FMN1: variants seen among roughly 807,000 people sequenced by gnomAD.
FMN1 encodes the protein formin 1.
A neutral mutation model predicts 132.4 loss-of-function variants in FMN1; 110 were observed. The observed-to-expected ratio is 0.83, with a 90% CI of 0.71 to 0.97. The LOEUF (loss-of-function observed/expected upper bound fraction) is 0.97. Ranked by LOEUF, FMN1 falls within the 50% of genes least tolerant of loss-of-function variation. The pLI is 0.00. For missense variants in FMN1, 1,792 were observed against 1,705.3 expected, an observed-to-expected ratio of 1.05 and a Z score of -0.90; for synonymous variants, 722 against 651.7, an observed-to-expected ratio of 1.11 and a Z score of -1.64.
At chr15:33,125,386 G>C (rs975096854) in intron 4 of FMN1, among the ~76,000 whole-genome samples, 1 of 152,158 alleles carries the variant, frequency 6.6e-6, no homozygotes, top group African/African-American at 2.4e-5. Flanking sequence ...GTTAGTTCTA[G>C]TTGAAGAAAG....
intron 17 of FMN1, among the ~76,000 whole-genome samples, chr15:32,825,297 T>A (rs1187370942): frequency 1.3e-5 from 2 of 152,246 alleles, no homozygotes; most frequent in African/African-American, 4.8e-5. Context: ...TCCTGTAGAA[T>A]AAAATCCAAA....
At chr15:33,048,542 A>C (rs1216203958) in intron 6 of FMN1, among the ~76,000 whole-genome samples, 1 of 151,588 alleles carries the variant, frequency 6.6e-6, no homozygotes, top group Non-Finnish European at 1.5e-5. Flanking sequence ...ACTACTAAAA[A>C]AAAAGTTTTA....
chr15:32,831,389 A>G (rs776981828), intron 17 of FMN1, among the ~76,000 whole-genome samples: 10 of 152,064 alleles, frequency 6.6e-5, no homozygotes, highest in Non-Finnish European at 1.3e-4. Flanking sequence ...TGCTAATAAT[A>G]TAACGCACAT....
chr15:33,043,031 G>A (rs1271723597), intron 6 of FMN1, among the ~76,000 whole-genome samples: 1 of 152,038 alleles, frequency 6.6e-6, no homozygotes, highest in Non-Finnish European at 1.5e-5. Context: ...GACTCAAAAT[G>A]GTTTGACTTA....
At chr15:32,865,630 A>G (rs1463072559) in intron 16 of FMN1, among the ~76,000 whole-genome samples, 1 of 152,186 alleles carries the variant, frequency 6.6e-6, no homozygotes, top group Admixed American at 6.5e-5. Context: ...TGAGGTTGGG[A>G]GTTCGAGACC....
chr15:33,089,191 A>G (rs1054412084), intron 4 of FMN1, among the ~76,000 whole-genome samples: 14 of 152,128 alleles, frequency 9.2e-5, no homozygotes, highest in Non-Finnish European at 1.5e-4. Context: ...CTCATCCCCC[A>G]AGTCTATTGG....
intron 6 of FMN1, among the ~76,000 whole-genome samples, chr15:33,027,366 A>C (rs1213501331): frequency 1.3e-5 from 2 of 152,204 alleles, no homozygotes; most frequent in Non-Finnish European, 2.9e-5. Context: ...CAATATTTGA[A>C]ATATACTAAG....
chr15:32,919,231 G>A (rs76877490), intron 10 of FMN1, among the ~76,000 whole-genome samples: 9,614 of 152,096 alleles, frequency 0.063, 432 homozygotes, highest in Middle Eastern at 0.15. Context: ...AAACAAGTTG[G>A]CTTCAAAAGC....
At chr15:33,032,291 A>G (rs1026466849) in intron 6 of FMN1, among the ~76,000 whole-genome samples, 11 of 152,210 alleles carry the variant, frequency 7.2e-5, no homozygotes, top group African/African-American at 2.7e-4. Context: ...TCCCCCTCCA[A>G]TAAATTCTGG....
intron 18 of FMN1, 131 bp from the exon 19 acceptor site, chr15:32,799,084 T>A (rs911028821): frequency 4.4e-6 from 3 of 678,868 alleles, no homozygotes; most frequent in Non-Finnish European, 4.9e-6. Context: ...TGGGGGCTCA[T>A]AGTTACTGAA....
chr15:33,091,419 CTTCT>C (rs201566042), intron 4 of FMN1, among the ~76,000 whole-genome samples: 3,027 of 152,318 alleles, frequency 0.02, 57 homozygotes, highest in South Asian at 0.091. Flanking sequence ...TGAAAGTTAT[CTTCT>C]TTCTGGAAAT....
intron 15 of FMN1, among the ~76,000 whole-genome samples, chr15:32,896,668 C>T (rs1425756329): frequency 6.6e-6 from 1 of 152,044 alleles, no homozygotes; most frequent in Non-Finnish European, 1.5e-5. Context: ...CAGTATTTGC[C>T]CTTCTGTGAC....
chr15:32,903,029 C>A (rs1352222666), intron 12 of FMN1, among the ~76,000 whole-genome samples: 1 of 152,200 alleles, frequency 6.6e-6, no homozygotes, highest in African/African-American at 2.4e-5. Context: ...AAAGCTGAAG[C>A]CTACTTCTTT....
chr15:33,058,334 G>A (rs147236453), intron 6 of FMN1, among the ~76,000 whole-genome samples: 2,363 of 152,260 alleles, frequency 0.016, 53 homozygotes, highest in South Asian at 0.09. Context: ...CTTCCCAAAA[G>A]AGGACTCAAA....
At chr15:32,928,945 C>G (rs887595280) in intron 9 of FMN1, among the ~76,000 whole-genome samples, 5 of 152,174 alleles carry the variant, frequency 3.3e-5, no homozygotes, top group African/African-American at 1.2e-4. Flanking sequence ...GATATTGATT[C>G]TGTCTGTCCC....
intron 7 of FMN1, among the ~76,000 whole-genome samples, chr15:33,003,401 C>A (rs2034227569): frequency 6.6e-6 from 1 of 152,046 alleles, no homozygotes; most frequent in African/African-American, 2.4e-5. Flanking sequence ...TCTTATACAC[C>A]AATAACAGAC....
At chr15:32,893,379 T>C (rs1423598635) in intron 15 of FMN1, among the ~76,000 whole-genome samples, 1 of 152,258 alleles carries the variant, frequency 6.6e-6, no homozygotes, top group Non-Finnish European at 1.5e-5. Context: ...CGTGTGTGTG[T>C]GTGCGCGCTC....
intron 4 of FMN1, among the ~76,000 whole-genome samples, chr15:33,099,193 A>C (rs1419959658): frequency 6.6e-6 from 1 of 152,160 alleles, no homozygotes; most frequent in African/African-American, 2.4e-5. Flanking sequence ...CTGGAGGCTG[A>C]GGTGGGAGGA....
chr15:32,899,760 A>G (rs2060249508), intron 14 of FMN1: 4 of 585,890 alleles, frequency 6.8e-6, no homozygotes, highest in South Asian at 6.3e-5. Flanking sequence ...ATGGGAATTG[A>G]GTAATTGAAA....
Sources: allele counts gnomAD v4.1 joint callset (sites outside exome capture counted in the v4.1 genomes callset), GRCh38; gene constraint gnomAD v4.1.1; transcripts MANE v1.5; gene names NCBI Gene and HGNC (gene_info 2026-07-23, HGNC 2026-07-21).